The following GUCY1A2 variants were observed in gnomAD, a reference collection of about 807,000 sequenced individuals.
GUCY1A2 encodes guanylate cyclase soluble subunit alpha-2.
In GUCY1A2, 27 loss-of-function variants were observed where a neutral mutation model predicts 63.5. That is an observed-to-expected ratio of 0.43 (90% CI 0.31 to 0.59). The LOEUF (loss-of-function observed/expected upper bound fraction) is 0.59, where lower values mean the gene tolerates loss of function less well. Ranked by LOEUF, GUCY1A2 falls within the 20% of genes least tolerant of loss-of-function variation. The probability of loss-of-function intolerance (pLI) is 0.11; values close to 1 mark genes in which losing one functional copy is unlikely to be tolerated. For missense variants in GUCY1A2, 768 were observed against 913.3 expected, an observed-to-expected ratio of 0.84 and a Z score of 2.05; for synonymous variants, 364 against 343.5, an observed-to-expected ratio of 1.06 and a Z score of -0.66.
At chr11:106,820,526 G>A (rs1452036385) in intron 4 of GUCY1A2, among the ~76,000 whole-genome samples, 1 of 152,118 alleles carries the variant, frequency 6.6e-6, no homozygotes, top group Non-Finnish European at 1.5e-5. Context: ...AGCCTCCTGA[G>A]TAGCTGAAAC....
At chr11:106,861,854 G>A (rs1289810395) in intron 4 of GUCY1A2, among the ~76,000 whole-genome samples, 1 of 151,598 alleles carries the variant, frequency 6.6e-6, no homozygotes, top group Non-Finnish European at 1.5e-5. Flanking sequence ...TCTAACATTA[G>A]CTTTTATTCA....
intron 6 of GUCY1A2, among the ~76,000 whole-genome samples, chr11:106,720,954 T>C (rs1009860070): frequency 2.0e-5 from 3 of 152,216 alleles, no homozygotes; most frequent in African/African-American, 7.2e-5. Flanking sequence ...GGGTATTCTA[T>C]GGACTATCTT....
intron 6 of GUCY1A2, among the ~76,000 whole-genome samples, chr11:106,766,109 C>T (rs1864158812): frequency 6.6e-6 from 1 of 152,088 alleles, no homozygotes; most frequent in African/African-American, 2.4e-5. Flanking sequence ...ATATGCCTGA[C>T]ATGACATCAA....
intron 5 of GUCY1A2, among the ~76,000 whole-genome samples, chr11:106,783,160 A>C (rs1487688076): frequency 6.6e-6 from 1 of 152,234 alleles, no homozygotes; most frequent in Non-Finnish European, 1.5e-5. Context: ...AGAGACAGGA[A>C]GGCCCTGACA....
intron 3 of GUCY1A2, among the ~76,000 whole-genome samples, chr11:106,955,959 A>G (rs1350017467): frequency 6.6e-6 from 1 of 151,768 alleles, no homozygotes; most frequent in Non-Finnish European, 1.5e-5. Flanking sequence ...CTGTCCTTTT[A>G]TCAAGTCCCA....
intron 6 of GUCY1A2, among the ~76,000 whole-genome samples, chr11:106,719,130 C>T (rs1231143920): frequency 1.3e-5 from 2 of 152,092 alleles, no homozygotes; most frequent in Admixed American, 6.5e-5. Flanking sequence ...TTAGTGGCTT[C>T]ATTTTTAATA....
chr11:106,896,150 C>A (rs1860046225), intron 4 of GUCY1A2, among the ~76,000 whole-genome samples: 1 of 151,608 alleles, frequency 6.6e-6, no homozygotes, highest in South Asian at 2.1e-4. Flanking sequence ...CTCAAGCATG[C>A]AAGTCTAGTT....
chr11:106,877,097 A>G (rs1031152659), intron 4 of GUCY1A2, among the ~76,000 whole-genome samples: 1 of 152,064 alleles, frequency 6.6e-6, no homozygotes, highest in Non-Finnish European at 1.5e-5. Flanking sequence ...TAGAAGTTGA[A>G]AAAGGGTTCC....
chr11:106,910,923 T>A (rs1860285084), intron 4 of GUCY1A2, among the ~76,000 whole-genome samples: 1 of 152,012 alleles, frequency 6.6e-6, no homozygotes, highest in Non-Finnish European at 1.5e-5. Flanking sequence ...CCAAAACCAG[T>A]CCGCTGAATG....
chr11:106,798,111 T>C (rs527575925), intron 5 of GUCY1A2, among the ~76,000 whole-genome samples: 52 of 152,112 alleles, frequency 3.4e-4, no homozygotes, highest in Non-Finnish European at 6.6e-4. Flanking sequence ...AAATACAAAT[T>C]ACCATCAGAG....
intron 4 of GUCY1A2, among the ~76,000 whole-genome samples, chr11:106,931,683 T>C (rs918166096): frequency 3.3e-5 from 5 of 152,208 alleles, no homozygotes; most frequent in Admixed American, 1.3e-4. Flanking sequence ...TGATGCATAC[T>C]ACACTACAGA....
At chr11:106,987,423 C>A (rs555440929) in intron 1 of GUCY1A2, among the ~76,000 whole-genome samples, 1 of 152,110 alleles carries the variant, frequency 6.6e-6, no homozygotes, top group Non-Finnish European at 1.5e-5. Flanking sequence ...GGCCGAGGCA[C>A]GTGGATCACT....
At chr11:106,709,872 AATAT>A (rs776360354) in intron 6 of GUCY1A2, among the ~76,000 whole-genome samples, 64 of 72,944 alleles carry the variant, frequency 8.8e-4, no homozygotes, top group Non-Finnish European at 1.3e-3. Flanking sequence ...ACACGTATAG[AATAT>A]ATAGTTATAT....
chr11:106,829,047 G>A (rs1259665914), intron 4 of GUCY1A2, among the ~76,000 whole-genome samples: 2 of 152,196 alleles, frequency 1.3e-5, no homozygotes, highest in Non-Finnish European at 2.9e-5. Context: ...TTGGAGATTT[G>A]AGTGCTCTGG....
At chr11:106,815,476 T>C (rs918614472) in intron 4 of GUCY1A2, among the ~76,000 whole-genome samples, 4 of 151,910 alleles carry the variant, frequency 2.6e-5, no homozygotes, top group African/African-American at 9.7e-5. Flanking sequence ...AGATACATTT[T>C]AGGGTGCATA....
chr11:106,883,744 G>A (rs1164897684), intron 4 of GUCY1A2, among the ~76,000 whole-genome samples: 1 of 151,954 alleles, frequency 6.6e-6, no homozygotes. Flanking sequence ...TGCCCACTGG[G>A]GTAGAAAATA....
chr11:106,931,964 C>T (rs971192104), intron 4 of GUCY1A2, among the ~76,000 whole-genome samples: 1 of 151,884 alleles, frequency 6.6e-6, no homozygotes, highest in Admixed American at 6.6e-5. Flanking sequence ...AAAAAGTACA[C>T]AAGAACAAAC....
chr11:106,848,697 T>A (rs1353284266), intron 4 of GUCY1A2, among the ~76,000 whole-genome samples: 1 of 151,594 alleles, frequency 6.6e-6, no homozygotes, highest in Non-Finnish European at 1.5e-5. Context: ...AGGACAGACA[T>A]TCCAAAAGAA....
At chr11:106,992,157 T>C (rs535852026) in intron 1 of GUCY1A2, among the ~76,000 whole-genome samples, 1 of 152,196 alleles carries the variant, frequency 6.6e-6, no homozygotes, top group South Asian at 2.1e-4. Flanking sequence ...ACTTTACAGT[T>C]TGTATTTTTA....
Sources: allele counts gnomAD v4.1 joint callset (sites outside exome capture counted in the v4.1 genomes callset), GRCh38; gene constraint gnomAD v4.1.1; transcripts MANE v1.5; gene names NCBI Gene and HGNC (gene_info 2026-07-23, HGNC 2026-07-21).